SYVN1: variants seen among roughly 807,000 people sequenced by gnomAD.
SYVN1 encodes synoviolin 1.
Under a neutral mutation model 62.6 loss-of-function variants are expected in SYVN1, and 17 were observed. The ratio of observed to expected loss-of-function variants is 0.27; its 90% confidence interval spans 0.19 to 0.41. The LOEUF is 0.41. Ranked by LOEUF, SYVN1 falls within the 10% of genes least tolerant of loss-of-function variation. The pLI, the probability that SYVN1 is intolerant of heterozygous loss-of-function variation, is 1.00. For synonymous variants in SYVN1, 316 were observed against 304.0 expected, an observed-to-expected ratio of 1.04 and a Z score of -0.41; for missense variants, 634 against 818.0, an observed-to-expected ratio of 0.78 and a Z score of 2.74.
chr11:65,131,006 C>T lies in SYVN1; in HGVS notation c.855G>A (p.Gln285=). ...AGATGATGCAGACATTGTCCATTGC[C>T]TGGAGCTCCTCTGGGGTGGCATCTG... ...LYPDATPEEL[Q]AMDNVCIICR... is the part of the protein sequence containing the mutation. The change falls in exon 10 of 16, where the codon CAG becomes CAA. Residue 285 remains glutamine (Q), a synonymous_variant. Coordinates refer to ENST00000377190, the MANE Select transcript of SYVN1 (RefSeq NM_172230.3). The T allele has an allele frequency of 6.2e-7, 1 of 1,614,190 alleles. No individual in the cohort carries two copies. Among genetic ancestry groups the T allele is most frequent in the East Asian group, 2.2e-5 (1 of 44,884 alleles).
Position 65,129,838 on chromosome 11 carries a change from C to T in SYVN1, c.1486G>A (p.Glu496Lys), listed in dbSNP as rs756388280. Residue 496 changes from glutamate (E) to lysine (K), a missense_variant, in exon 14 of 16, where the codon GAG (glutamate) becomes AAG (lysine). Glu to Lys is a moderately conservative substitution (Grantham distance 56, BLOSUM62 1). Around this residue, in one of 2 missense-constraint regions of SYVN1, gnomAD observed 351 missense variants for 373.3 expected, o/e 0.94. Coordinates refer to ENST00000377190, the MANE Select transcript of SYVN1 (RefSeq NM_172230.3). Reference sequence around the variant, plus strand: ...AGCCGGGCCTCCAGGTGCTGCCGCTCATGGCCCTCCAGAGCTCGTAGCTCC... The same window carrying T: ...AGCCGGGCCTCCAGGTGCTGCCGCTTATGGCCCTCCAGAGCTCGTAGCTCC... ...PEELRALEGH[E>K]RQHLEARLQS... 6.2e-7 allele frequency: 1 copy of T among 1,614,192 alleles called. No individual in the cohort carries two copies. The highest frequency in any genetic ancestry group is 1.1e-5 in the South Asian group (1 of 91,084).
At chr11:65,132,804 C>T (rs1380090884) in intron 4 of SYVN1, 24 bp from the exon 5 acceptor site, 2 of 1,614,118 alleles carry the variant, frequency 1.2e-6, no homozygotes, top group Admixed American at 3.3e-5. Context: ...CAGAAGAGGC[C>T]TGTCAGGAGG....
chr11:65,128,737 G>A, intron 14 of SYVN1, 23 bp from the exon 15 acceptor site: 1 of 1,576,290 alleles, frequency 6.3e-7, no homozygotes, highest in Non-Finnish European at 8.6e-7. Context: ...GGGACGAGAG[G>A]CGGGCCTGGC....
At chr11:65,128,980 G>T in intron 14 of SYVN1, 1 of 468,994 alleles carries the variant, frequency 2.1e-6, no homozygotes, top group East Asian at 3.7e-5. Flanking sequence ...CTCCACCCTG[G>T]GGAGTCAGGC....
chr11:65,132,711 C>G, intron 5 of SYVN1, 21 bp downstream of exon 5: 1 of 1,613,888 alleles, frequency 6.2e-7, no homozygotes, highest in Non-Finnish European at 8.5e-7. Context: ...CCTCCCTTCC[C>G]CTCCCCTGAA....
rs761419265 is a variant in SYVN1, at chr11:65,128,533, C to G, written c.1747+30G>C. On this transcript the variant is annotated intron_variant, in intron 15 of 15. Transcript: ENST00000377190. ...AAGTGGAACCTAGAGAAGTTCCCTGCTCCCCCGGCTGGAGGCCAATCACAC... is the reference window on the plus strand; with the variant it reads ...AAGTGGAACCTAGAGAAGTTCCCTGGTCCCCCGGCTGGAGGCCAATCACAC... The G allele has an allele frequency of 6.8e-6, 11 of 1,610,364 alleles. No homozygotes were observed. In the African/African-American group the frequency reaches 1.4e-4, roughly 20 times the overall value.
rs893885954 is a variant in SYVN1, at chr11:65,130,073, G to A, written c.1337C>T (p.Pro446Leu). 6.2e-7 allele frequency: 1 copy of A among 1,608,886 alleles called. No individual in the cohort carries two copies. The highest frequency in any genetic ancestry group is 8.5e-7 in the Non-Finnish European group (1 of 1,177,310). Residue 446 changes from proline to leucine, a missense_variant, in exon 13 of 16, where the codon CCA becomes CTA. Transcript: ENST00000377190. ...TASGPGSGSA[P>L]EAGPAPGFPF... ...GAAACCAGGGGCAGGGCCAGCCTCT[G>A]GGGCAGAGCCAGAGCCTGGGCCAGA...
chr11:65,133,913 T>C (rs1948213578), intron 1 of SYVN1, among the ~76,000 whole-genome samples: 1 of 152,032 alleles, frequency 6.6e-6, no homozygotes, highest in Non-Finnish European at 1.5e-5. Context: ...AAAGCTGCAA[T>C]GTTGGAGGAG....
At position 65,128,186 on chromosome 11, in the gene SYVN1, C is replaced by A. The variant is rs980121759; in HGVS notation, c.*196G>T. ...GGAAGGCTGGAACTGACCCGAGATC[C>A]CCATGGCTGCCTGGGACTGGAGTCA... On this transcript the variant is annotated 3_prime_UTR_variant, in exon 16 of 16. Transcript: ENST00000377190. 1 of 606,612 alleles carries A rather than the reference C, an allele frequency of 1.6e-6. No homozygotes were observed. Among genetic ancestry groups the A allele is most frequent in the Non-Finnish European group, 2.9e-6 (1 of 341,630 alleles). 37.6% of individuals were successfully genotyped at this position (606,612 alleles called of 1,614,324 possible).
At chr11:65,132,862 G>A (rs2044578960) in intron 4 of SYVN1, 60 bp downstream of exon 4, 1 of 1,613,090 alleles carries the variant, frequency 6.2e-7, no homozygotes, top group Non-Finnish European at 8.5e-7. Flanking sequence ...TGCTCCTTAA[G>A]CCTGCCCGCT....
At chr11:65,132,692 C>A (rs778091022) in intron 5 of SYVN1, 40 bp downstream of exon 5, 1 of 1,607,750 alleles carries the variant, frequency 6.2e-7, no homozygotes, top group African/African-American at 1.3e-5. Flanking sequence ...CCACGGTTCA[C>A]GTTCCAGTCC....
At chr11:65,128,766 G>A (rs956578729) in intron 14 of SYVN1, 52 bp from the exon 15 acceptor site, 4 of 1,522,484 alleles carry the variant, frequency 2.6e-6, no homozygotes, top group African/African-American at 1.4e-5. Context: ...CCAAGGTTGG[G>A]CAGATTCTCC....
intron 6 of SYVN1, 128 bp downstream of exon 6, chr11:65,132,120 T>A: frequency 1.3e-6 from 1 of 759,870 alleles, no homozygotes; most frequent in Non-Finnish European, 2.4e-6. Context: ...CCATATCTGA[T>A]CACTGCCCCT....
At chr11:65,133,968 A>G (rs1218545184) in intron 1 of SYVN1, among the ~76,000 whole-genome samples, 4 of 152,158 alleles carry the variant, frequency 2.6e-5, no homozygotes, top group African/African-American at 9.7e-5. Context: ...ATGGGGTGGG[A>G]GGCAACAGCA....
At position 65,130,395 on chromosome 11, in the gene SYVN1, G is replaced by A. The variant is rs755159076; in HGVS notation, c.1106-16C>T. On this transcript the variant is annotated splice_polypyrimidine_tract_variant and intron_variant, in intron 11 of 15. Transcript: ENST00000377190. Reference sequence around the variant, plus strand: ...CCCTGGGGGACTGCAGAGAGAAGACGGAGGTAAGGAAAGGGCCAAATGGAC... The same window carrying A: ...CCCTGGGGGACTGCAGAGAGAAGACAGAGGTAAGGAAAGGGCCAAATGGAC... The A allele has an allele frequency of 3.4e-5, 51 of 1,519,166 alleles. 1 individual carries two copies. Among genetic ancestry groups the A allele is most frequent in the Admixed American group, 3.2e-4 (14 of 44,390 alleles). 94.1% of individuals were successfully genotyped at this position (1,519,166 alleles called of 1,614,324 possible). A position where few individuals can be genotyped will look rare whatever the true frequency, so the allele number is the denominator to read the frequency against.
At position 65,133,401 on chromosome 11, in the gene SYVN1, C is replaced by T. The variant is rs546883070; in HGVS notation, c.132+69G>A. ...TCCCTACTTACCTGACCTCTAGCCC[C>T]GCCCCTTGCCCAGGCAGACTCCTCC... is the stretch of plus-strand genomic sequence containing the variant. On this transcript the variant is annotated intron_variant, in intron 2 of 15. Transcript: ENST00000377190. 4.4e-6 allele frequency: 7 copies of T among 1,596,802 alleles called. No homozygotes were observed. In the East Asian group the frequency reaches 1.1e-4, roughly 26 times the overall value.
Position 65,132,290 on chromosome 11 carries a change from G to C in SYVN1, c.489C>G (p.Ile163Met), listed in dbSNP as rs1590828194. ...GCTGCACAGAGGCCCCACGGGTCAGGATGCTGTGATAGGCGTGGCTGACGA... is the reference window on the plus strand; with the variant it reads ...GCTGCACAGAGGCCCCACGGGTCAGCATGCTGTGATAGGCGTGGCTGACGA... Reference protein sequence around the residue: ...FLFVSHAYHSILTRGASVQLV... With the variant: ...FLFVSHAYHSMLTRGASVQLV... The change falls in exon 6 of 16, where the codon ATC (isoleucine) becomes ATG (methionine). Residue 163 changes from isoleucine to methionine, a missense_variant. Physicochemically the swap from Ile to Met is conservative, Grantham distance 10. Coordinates refer to ENST00000377190, the MANE Select transcript of SYVN1 (RefSeq NM_172230.3). The C allele has an allele frequency of 3.7e-6, 6 of 1,614,144 alleles. No individual in the cohort carries two copies. The highest frequency in any genetic ancestry group is 5.1e-6 in the Non-Finnish European group (6 of 1,179,998).
rs928045688 is a variant in SYVN1 at position 65,131,114 on chromosome 11, C to T, written c.824+18G>A. 3 of 1,614,028 alleles carry T rather than the reference C, an allele frequency of 1.9e-6. No homozygotes were observed. Among genetic ancestry groups the T allele is most frequent in the Non-Finnish European group, 8.5e-7 (1 of 1,180,004 alleles). ...CCAGGACCGAGCTTGGGACAGCAGC[C>T]ATGACAAGCCTACTTACAGGGTGTT... On this transcript the variant is annotated intron_variant, in intron 9 of 15. Transcript: ENST00000377190.
In SYVN1 at chr11:65,128,648, G is replaced by GGCA. The variant is rs1167575949; in HGVS notation, c.1659_1661dup (p.Ala554dup). The GGCA allele has an allele frequency of 6.2e-7, 1 of 1,614,038 alleles. No homozygotes were observed. Among genetic ancestry groups the GGCA allele is most frequent in the South Asian group, 1.1e-5 (1 of 91,084 alleles). The stretch of plus-strand genomic sequence containing the variant: ...CTGAGCTAGGGATGCTGGTGGAGGA[G>GGCA]GCAGCAGCAACAACTGTAGTGGCAG... On this transcript the variant is annotated inframe_insertion, in exon 15 of 16. Coordinates refer to ENST00000377190, the MANE Select transcript of SYVN1 (RefSeq NM_172230.3).
Sources: gnomAD v4.1 joint callset for allele counts (sites outside exome capture counted in the v4.1 genomes callset) on GRCh38, gnomAD v4.1.1 for gene constraint, gnomAD v4.1.1 regional missense constraint, MANE v1.5 for transcripts, NCBI Gene and HGNC (gene_info 2026-07-23, HGNC 2026-07-21) for gene names.